Variants in NYAP2 observed in about 807,000 individuals in gnomAD.
NYAP2 encodes the protein neuronal tyrosine-phosphorylated phosphoinositide-3-kinase adaptor 2, also known as neuronal tyrosine-phosphorylated phosphoinositide-3-kinase adapter 2.
Under a neutral mutation model 50.4 loss-of-function variants are expected in NYAP2, and 23 were observed. The observed-to-expected ratio is 0.46, with a 90% CI of 0.33 to 0.65. The LOEUF (loss-of-function observed/expected upper bound fraction) is 0.65. Among genes scored for constraint, NYAP2 ranks in the 30% least tolerant of loss-of-function variants. The pLI is 0.02. For synonymous variants in NYAP2, 394 were observed against 365.2 expected, an observed-to-expected ratio of 1.08 and a Z score of -0.90; for missense variants, 885 against 861.0, an observed-to-expected ratio of 1.03 and a Z score of -0.35.
chr2:225,422,843 C>T (rs1300025973), intron 3 of NYAP2, among the ~76,000 whole-genome samples: 1 of 152,128 alleles, frequency 6.6e-6, no homozygotes, highest in Non-Finnish European at 1.5e-5. Context: ...AGTCTGGTTT[C>T]TAATCGTGAA....
intron 4 of NYAP2, among the ~76,000 whole-genome samples, chr2:225,554,989 A>T (rs996192446): frequency 6.6e-6 from 1 of 152,202 alleles, no homozygotes; most frequent in Non-Finnish European, 1.5e-5. Context: ...TTGTGAAATA[A>T]TCATAGCTTT....
chr2:225,621,215 T>C (rs1270761394), intron 5 of NYAP2, among the ~76,000 whole-genome samples: 2 of 152,200 alleles, frequency 1.3e-5, no homozygotes, highest in African/African-American at 4.8e-5. Context: ...TACACTTTCT[T>C]TGAAGCTGTG....
At chr2:225,624,501 C>T (rs1693174870) in intron 5 of NYAP2, among the ~76,000 whole-genome samples, 2 of 152,158 alleles carry the variant, frequency 1.3e-5, no homozygotes, top group Non-Finnish European at 2.9e-5. Flanking sequence ...GGTTGTTTAG[C>T]TTTTAGGATT....
chr2:225,405,702 G>A (rs1013838376), intron 2 of NYAP2, among the ~76,000 whole-genome samples: 4 of 151,940 alleles, frequency 2.6e-5, no homozygotes, highest in Non-Finnish European at 5.9e-5. Context: ...TTTGGGCTTG[G>A]AAGGGTGGAG....
rs80207319 is a variant in NYAP2, at chr2:225,464,078, C to G, written c.222-49293C>G. Reference sequence around the variant, plus strand: ...TGTGGTGCATTCAGAGATGCTCTGCCAAAAGTTCCTTCAAGGAAAGCCTGT... The same window carrying G: ...TGTGGTGCATTCAGAGATGCTCTGCGAAAAGTTCCTTCAAGGAAAGCCTGT... On this transcript the variant is annotated intron_variant, in intron 3 of 6. Coordinates refer to ENST00000636099, the Ensembl canonical transcript of NYAP2. 7.2e-3 allele frequency among the ~76,000 whole-genome samples: 1,101 copies of G among 152,204 alleles called. 5 individuals carry two copies. Among genetic ancestry groups the G allele is most frequent in the African/African-American group, 0.025 (1,043 of 41,512 alleles).
intron 3 of NYAP2, among the ~76,000 whole-genome samples, chr2:225,475,026 C>CG (rs1262889247): frequency 1.3e-5 from 2 of 152,138 alleles, no homozygotes; most frequent in East Asian, 3.8e-4. Context: ...ATCAGTATTT[C>CG]TGTTTTCTAG....
intron 3 of NYAP2, among the ~76,000 whole-genome samples, chr2:225,511,669 C>A (rs559808994): frequency 6.6e-6 from 1 of 152,202 alleles, no homozygotes; most frequent in South Asian, 2.1e-4. Flanking sequence ...ATCTAATGTT[C>A]TTGTTAAATT....
intron 3 of NYAP2, among the ~76,000 whole-genome samples, chr2:225,435,640 T>C (rs960221273): frequency 2.0e-5 from 3 of 152,250 alleles, no homozygotes; most frequent in African/African-American, 7.2e-5. Context: ...TATTGGTATT[T>C]CTTTTTCTAA....
intron 5 of NYAP2, among the ~76,000 whole-genome samples, chr2:225,619,043 TG>T (rs1693043102): frequency 6.6e-6 from 1 of 152,230 alleles, no homozygotes; most frequent in Non-Finnish European, 1.5e-5. Context: ...AGTGTCTTCC[TG>T]GTGAACCTGT....
intron 4 of NYAP2, among the ~76,000 whole-genome samples, chr2:225,532,964 G>T (rs1691284290): frequency 6.6e-6 from 1 of 152,148 alleles, no homozygotes; most frequent in South Asian, 2.1e-4. Flanking sequence ...AAACAAGAAA[G>T]ATAGATTCTC....
chr2:225,581,751 T>C (rs1432453794), intron 4 of NYAP2, among the ~76,000 whole-genome samples, 190 bp from the exon 5 acceptor site: 1 of 152,236 alleles, frequency 6.6e-6, no homozygotes, highest in Non-Finnish European at 1.5e-5. Context: ...ATGACTATTA[T>C]TCTGCCATCA....
chr2:225,626,312 C>A (rs1469430559), intron 5 of NYAP2, among the ~76,000 whole-genome samples: 1 of 152,212 alleles, frequency 6.6e-6, no homozygotes, highest in Non-Finnish European at 1.5e-5. Context: ...GTAGCAGAAG[C>A]AGCACAGTGG....
At chr2:225,665,807 TAAA>T in the NYAP2 span, among the ~76,000 whole-genome samples, 8 of 20,998 alleles carry the variant, frequency 3.8e-4, no homozygotes, top group South Asian at 5.4e-3. Flanking sequence ...AGCCTCCGTC[TAAA>T]AAAAAAAAAA....
At chr2:225,653,604 C>T (rs1390362868) in exon 7 of NYAP2, 1 of 152,238 alleles carries the variant, frequency 6.6e-6, no homozygotes, top group African/African-American at 2.4e-5. Flanking sequence ...TAGGCTTCTC[C>T]TCTGTGGCTT....
At chr2:225,579,653 T>C (rs1208074357) in intron 4 of NYAP2, among the ~76,000 whole-genome samples, 1 of 152,192 alleles carries the variant, frequency 6.6e-6, no homozygotes, top group African/African-American at 2.4e-5. Context: ...GTCACCAGTG[T>C]TGTTCATCAA....
chr2:225,650,105 G>A (rs1693704878), intron 6 of NYAP2, among the ~76,000 whole-genome samples: 1 of 152,174 alleles, frequency 6.6e-6, no homozygotes, highest in Non-Finnish European at 1.5e-5. Flanking sequence ...GAGTGTATGA[G>A]TCTGTGTGTA....
the NYAP2 span, among the ~76,000 whole-genome samples, chr2:225,672,451 T>C: frequency 1.3e-5 from 2 of 152,190 alleles, no homozygotes; most frequent in Non-Finnish European, 2.9e-5. Context: ...TAAGAGAATG[T>C]GTGGCTGGTT....
At chr2:225,668,177 A>G in the NYAP2 span, among the ~76,000 whole-genome samples, 1 of 152,214 alleles carries the variant, frequency 6.6e-6, no homozygotes, top group Non-Finnish European at 1.5e-5. Context: ...CTTTCAAGAT[A>G]AGTGACATTT....
chr2:225,646,372 A>G (rs1693634942), intron 6 of NYAP2, among the ~76,000 whole-genome samples: 2 of 152,246 alleles, frequency 1.3e-5, no homozygotes, highest in South Asian at 4.1e-4. Flanking sequence ...ACCAACATGG[A>G]GAAAACCCAT....
Sources: allele counts gnomAD v4.1 joint callset (sites outside exome capture counted in the v4.1 genomes callset), GRCh38; gene constraint gnomAD v4.1.1; transcripts MANE v1.5; gene names NCBI Gene and HGNC (gene_info 2026-07-23, HGNC 2026-07-21).